Variants in ARHGEF25 observed in about 807,000 individuals in gnomAD.
The protein encoded by ARHGEF25 is RAC/CDC42 exchange factor.
In ARHGEF25, 42 loss-of-function variants were observed where a neutral mutation model predicts 74.0. The observed-to-expected ratio is 0.57, with a 90% CI of 0.44 to 0.73. The LOEUF is 0.73. Ranked by LOEUF, ARHGEF25 falls within the 30% of genes least tolerant of loss-of-function variation. ARHGEF25 has a pLI of 0.00. For missense variants in ARHGEF25, 645 were observed against 725.5 expected (o/e 0.89, Z 1.27); for synonymous variants, 293 against 278.6 (o/e 1.05, Z -0.51).
rs1197850388 is a variant in ARHGEF25, at chr12:57,615,028, C to A, written c.960+11C>A. 6.2e-7 allele frequency: 1 copy of A among 1,613,646 alleles called. No homozygotes were observed. Among genetic ancestry groups the A allele is most frequent in the Non-Finnish European group, 8.5e-7 (1 of 1,179,698 alleles). On this transcript the variant is annotated intron_variant, in intron 10 of 14. Transcript: ENST00000286494. ...ACTGCAGACCTAGAGGTGAGGACCCCAGATCTTCCAGGACACACCATGTGC... is the reference window on the plus strand; with the variant it reads ...ACTGCAGACCTAGAGGTGAGGACCCAAGATCTTCCAGGACACACCATGTGC...
rs752627724 is a variant in ARHGEF25, at chr12:57,614,160, C to A, written c.656+41C>A. On this transcript the variant is annotated intron_variant, in intron 6 of 14. Coordinates refer to ENST00000286494, the MANE Select transcript of ARHGEF25 (RefSeq NM_182947.4). This position sits in a 1 kb window ranked among gnomAD's most constrained non-coding sequence, Gnocchi z 4.6. ...CTGACAGCTAGGTGCTGGAGAGGGG[C>A]CCTCATCTGGTTGTCCTGTATCCTA... is the stretch of plus-strand genomic sequence containing the variant. 1.2e-6 allele frequency: 2 copies of A among 1,605,788 alleles called. No individual in the cohort carries two copies. Among genetic ancestry groups the A allele is most frequent in the South Asian group, 2.2e-5 (2 of 90,858 alleles).
Position 57,614,690 on chromosome 12 carries a change from A to G in ARHGEF25, c.818A>G (p.Glu273Gly), listed in dbSNP as rs1884203112. 11 of 1,613,612 alleles carry G rather than the reference A, an allele frequency of 6.8e-6. No individual in the cohort carries two copies. The highest frequency in any genetic ancestry group is 9.3e-6 in the Non-Finnish European group (11 of 1,179,896). ...TAACCACCCTGTCCCTGTCCCCAGG[A>G]GCTCCGGCAGCAGCTGGGGCACCGC... is the stretch of plus-strand genomic sequence containing the variant. ...VSEFGDSYFE[E>G]LRQQLGHRLQ... The change falls in exon 9 of 15, where the codon GAG becomes GGG. Residue 273 changes from glutamate (E) to glycine (G), a missense_variant and splice_region_variant. Glu to Gly is a moderately conservative substitution (Grantham distance 98). Coordinates refer to ENST00000286494, the MANE Select transcript of ARHGEF25 (RefSeq NM_182947.4). The surrounding 1 kb of genome is among the most constrained non-coding windows in gnomAD (Gnocchi z 4.6).
At chr12:57,610,796 C>T (rs779488958), upstream of ARHGEF25, 13 of 858,398 alleles carry the variant, frequency 1.5e-5, no homozygotes, top group Non-Finnish European at 2.0e-5. Flanking sequence ...TGCATGAGAC[C>T]CATTTAATCG....
rs1884147764 is a variant in ARHGEF25, at chr12:57,613,528, C to T, written c.485+12C>T. 3 of 1,614,040 alleles carry T rather than the reference C, an allele frequency of 1.9e-6. No homozygotes were observed. Among genetic ancestry groups the T allele is most frequent in the African/African-American group, 2.7e-5 (2 of 74,944 alleles). On this transcript the variant is annotated intron_variant, in intron 4 of 14. Transcript: ENST00000286494. ...CTGGAAAGGAGTATGTAAGTGTCCA[C>T]AGCCCTTCCCTGCAGTTGCACAACT...
At position 57,614,668 on chromosome 12, in the gene ARHGEF25, C is replaced by G; in HGVS notation, c.817-21C>G. ...AACTGGGGCTTTCCAGGCTGCATAA[C>G]CACCCTGTCCCTGTCCCCAGGAGCT... On this transcript the variant is annotated intron_variant, in intron 8 of 14. Transcript: ENST00000286494. The surrounding 1 kb of genome is among the most constrained non-coding windows in gnomAD (Gnocchi z 4.6). 1 of 1,613,548 alleles carries G rather than the reference C, an allele frequency of 6.2e-7. No homozygotes were observed.
intron 2 of ARHGEF25, 56 bp from the exon 3 acceptor site, chr12:57,613,208 G>A: frequency 1.2e-6 from 2 of 1,610,520 alleles, no homozygotes; most frequent in Non-Finnish European, 1.7e-6. Flanking sequence ...GAGAGGGCAA[G>A]TTGGGGCCAC....
chr12:57,613,232 C>G, intron 2 of ARHGEF25, 32 bp from the exon 3 acceptor site: 1 of 1,612,560 alleles, frequency 6.2e-7, no homozygotes, highest in African/African-American at 1.3e-5. Flanking sequence ...GCTACTGTCC[C>G]CGACCTCTGA....
At chr12:57,610,675 C>T (rs768800067), upstream of ARHGEF25, 1 of 1,607,848 alleles carries the variant, frequency 6.2e-7, no homozygotes, top group South Asian at 1.1e-5. Flanking sequence ...CGCCGGGGCT[C>T]TGCAGCCCGG....
chr12:57,610,867 C>T (rs1884010401), upstream of ARHGEF25, among the ~76,000 whole-genome samples: 1 of 152,128 alleles, frequency 6.6e-6, no homozygotes, highest in African/African-American at 2.4e-5. Context: ...CAGTCGATCC[C>T]GAGCCCTCGC....
At chr12:57,613,870 A>G in intron 5 of ARHGEF25, 110 bp downstream of exon 5, 1 of 1,492,388 alleles carries the variant, frequency 6.7e-7, no homozygotes, top group Non-Finnish European at 9.2e-7. Context: ...AAGCCTCCCC[A>G]CTCCTGGACC....
rs756773745 is a variant in ARHGEF25, at chr12:57,616,340, C to T, written c.1477C>T (p.Arg493Trp). 55 of 1,613,890 alleles carry T rather than the reference C, an allele frequency of 3.4e-5. 1 individual carries two copies. Among genetic ancestry groups the T allele is most frequent in the East Asian group, 1.6e-4 (7 of 44,880 alleles). Residue 493 changes from arginine (R) to tryptophan (W), a missense_variant, in exon 14 of 15, where the codon CGG becomes TGG. Arg to Trp is a moderately radical substitution (Grantham distance 101). Around this residue, in one of 3 missense-constraint regions of ARHGEF25, gnomAD observed 262 missense variants for 256.9 expected, o/e 1.02. Coordinates refer to ENST00000286494, the MANE Select transcript of ARHGEF25 (RefSeq NM_182947.4). ...GGAGAGCCAGACCAACAGCCTGGGG[C>T]GGCCAAGAGGGCCTGGAGTGGGGAG... ...RRESQTNSLG[R>W]PRGPGVGSPG...
Position 57,612,394 on chromosome 12 carries a change from C to T in ARHGEF25, c.97+403C>T, listed in dbSNP as rs539741810. The T allele has an allele frequency of 1.9e-5, 3 of 160,402 alleles. No individual in the cohort carries two copies. The East Asian group carries it at 5.4e-4, about 29-fold the overall frequency. 9.9% of individuals were successfully genotyped at this position (160,402 alleles called of 1,614,324 possible). On this transcript the variant is annotated intron_variant, in intron 1 of 14. Transcript: ENST00000286494. ...CAGCTCTCTGTCGCTGAGCACAGGC[C>T]AACGATAACCCTGATGGACCCTCCT...
In ARHGEF25 at chr12:57,615,998, C is replaced by T. The variant is rs1365241920; in HGVS notation, c.1401C>T (p.Ser467=). Residue 467 remains serine, a synonymous_variant, in exon 13 of 15, where the codon AGC becomes AGT. Coordinates refer to ENST00000286494, the MANE Select transcript of ARHGEF25 (RefSeq NM_182947.4). ...WIKHVAQILE[S]QRDFLNALQS... is the part of the protein sequence containing the mutation. ...AGCATGTGGCTCAGATCTTGGAGAG[C>T]CAACGGGACTTCCTCAACGGTGAAG... 1 of 1,612,404 alleles carries T rather than the reference C, an allele frequency of 6.2e-7. No homozygotes were observed. The highest frequency in any genetic ancestry group is 1.7e-5 in the Admixed American group (1 of 59,816).
upstream of ARHGEF25, chr12:57,611,344 C>T: frequency 1.3e-6 from 1 of 747,900 alleles, no homozygotes; most frequent in Non-Finnish European, 1.6e-6. The surrounding 1 kb of genome is among the most constrained non-coding windows in gnomAD (Gnocchi z 4.5). Context: ...GGGGCGGGAA[C>T]CCGGCGCAGG....
chr12:57,614,892 G>T lies in ARHGEF25; in HGVS notation c.910-75G>T. 6.3e-7 allele frequency: 1 copy of T among 1,583,642 alleles called. No homozygotes were observed. The highest frequency in any genetic ancestry group is 8.6e-7 in the Non-Finnish European group (1 of 1,157,442). ...AGACTTCCTGAGGGCCCTCACTGGT[G>T]TCCTCAGGGGAGGATGTGAGAGCTT... On this transcript the variant is annotated intron_variant, in intron 9 of 14. Transcript: ENST00000286494. The surrounding 1 kb of genome is among the most constrained non-coding windows in gnomAD (Gnocchi z 4.6).
At chr12:57,610,918 G>A (rs1427983121), upstream of ARHGEF25, among the ~76,000 whole-genome samples, 1 of 152,158 alleles carries the variant, frequency 6.6e-6, no homozygotes, top group Non-Finnish European at 1.5e-5. Flanking sequence ...CCCCTCGCCA[G>A]CCCGGGCTCC....
At chr12:57,610,278 G>A (rs375023885), upstream of ARHGEF25, 92 of 1,581,906 alleles carry the variant, frequency 5.8e-5, no homozygotes, top group Non-Finnish European at 7.0e-5. Flanking sequence ...GTCATGGGGG[G>A]CATGCTGCGC....
chr12:57,612,673 T>G (rs1884102184), intron 1 of ARHGEF25: 1 of 1,329,242 alleles, frequency 7.5e-7, no homozygotes, highest in East Asian at 2.8e-5. Context: ...TATGCTATGC[T>G]CAGGATATGG....
chr12:57,615,085 C>G, intron 10 of ARHGEF25, 68 bp downstream of exon 10: 2 of 1,600,616 alleles, frequency 1.2e-6, no homozygotes, highest in Non-Finnish European at 1.7e-6. Context: ...ATGGGTTCCC[C>G]CAGCCCCTTG....
Sources: allele counts gnomAD v4.1 joint callset (sites outside exome capture counted in the v4.1 genomes callset), GRCh38; gene constraint gnomAD v4.1.1; regional missense constraint gnomAD v4.1.1; non-coding constraint Gnocchi (gnomAD v3.1); transcripts MANE v1.5; gene names NCBI Gene and HGNC (gene_info 2026-07-23, HGNC 2026-07-21).